USP49: variants seen among roughly 807,000 people sequenced by gnomAD.
USP49 encodes the protein ubiquitin specific peptidase 49.
Under a neutral mutation model 58.6 loss-of-function variants are expected in USP49, and 24 were observed. That is an observed-to-expected ratio of 0.41 (90% confidence interval 0.30 to 0.58). USP49 has a LOEUF of 0.58. Ranked by LOEUF, USP49 falls within the 20% of genes least tolerant of loss-of-function variation. The pLI is 0.30. For missense variants in USP49, 703 were observed against 866.1 expected (o/e 0.81, Z 2.36); for synonymous variants, 408 against 365.1 (o/e 1.12, Z -1.34).
chr6:41,815,740 G>C (rs1028753043), intron 3 of USP49, among the ~76,000 whole-genome samples: 5 of 152,174 alleles, frequency 3.3e-5, no homozygotes, highest in African/African-American at 1.2e-4. Context: ...TTATGCAGCA[G>C]CTCTTGGCCA....
chr6:41,813,116 G>A (rs942487433), intron 3 of USP49, among the ~76,000 whole-genome samples: 2 of 152,148 alleles, frequency 1.3e-5, no homozygotes, highest in Admixed American at 6.5e-5. Flanking sequence ...TAAGTCACAT[G>A]TGGCTAGTGG....
Position 41,790,653 on chromosome 6 carries a change from G to A in USP49, c.*5880C>T, listed in dbSNP as rs1236848682. ...GGATGACAGATGTCTCTAGCAGTTTGTTCACTACTAAAGTTAAACAGGACA... is the reference window on the plus strand; with the variant it reads ...GGATGACAGATGTCTCTAGCAGTTTATTCACTACTAAAGTTAAACAGGACA... On this transcript the variant is annotated 3_prime_UTR_variant, in exon 8 of 8. Coordinates refer to ENST00000682992, the MANE Select transcript of USP49 (RefSeq NM_001286554.2). 2.0e-5 allele frequency: 3 copies of A among 152,154 alleles called. No homozygotes were observed. The highest frequency in any genetic ancestry group is 7.2e-5 in the African/African-American group (3 of 41,428). The allele number at this position is 152,154 out of a possible 1,614,324, so 9.4% of individuals were successfully genotyped here. A position where few individuals can be genotyped will look rare whatever the true frequency, so the allele number is the denominator to read the frequency against.
intron 5 of USP49, among the ~76,000 whole-genome samples, chr6:41,802,230 C>G (rs1773011151): frequency 6.6e-6 from 1 of 151,456 alleles, no homozygotes; most frequent in Non-Finnish European, 1.5e-5. Context: ...GCTATGCCAC[C>G]AGGCTGGTCT....
In USP49 at chr6:41,806,306, G is replaced by A. The variant is rs758635838; in HGVS notation, c.678C>T (p.Pro226=). 8 of 1,581,146 alleles carry A rather than the reference G, an allele frequency of 5.1e-6. No individual in the cohort carries two copies. The highest frequency in any genetic ancestry group is 4.0e-5 in the African/African-American group (3 of 74,460). ...CTCTGCGTGAGGTAGGGAGGGCGGC[G>A]GGGCGCGAGGCAGCCGGGCCCGCGT... is the stretch of plus-strand genomic sequence containing the variant. ...PRDAGPAASR[P]AALPTSRRVP... The change falls in exon 4 of 8, where the codon CCC becomes CCT. Residue 226 remains proline (P), a synonymous_variant. Coordinates refer to ENST00000682992, the MANE Select transcript of USP49 (RefSeq NM_001286554.2). This position sits in a 1 kb window ranked among gnomAD's most constrained non-coding sequence, Gnocchi z 5.9.
At chr6:41,824,052 A>G (rs2127336542) in intron 3 of USP49, among the ~76,000 whole-genome samples, 1 of 152,280 alleles carries the variant, frequency 6.6e-6, no homozygotes, top group East Asian at 1.9e-4. Context: ...ATAGCCACGT[A>G]CTCTGAAAGT....
chr6:41,841,810 A>G (rs2246392), intron 3 of USP49, among the ~76,000 whole-genome samples: 37,863 of 152,020 alleles, frequency 0.25, 4,912 homozygotes, highest in Middle Eastern at 0.31. Flanking sequence ...TAATCCCAGC[A>G]CTTCAGGAGG....
intron 3 of USP49, among the ~76,000 whole-genome samples, chr6:41,811,887 G>A (rs1315677995): frequency 2.6e-5 from 4 of 152,104 alleles, no homozygotes; most frequent in Non-Finnish European, 4.4e-5. Context: ...AGGAATGAAG[G>A]GGAGGGAAAA....
chr6:41,888,275 G>A (rs534273737), intron 2 of USP49, among the ~76,000 whole-genome samples: 1 of 151,972 alleles, frequency 6.6e-6, no homozygotes, highest in South Asian at 2.1e-4. Context: ...GCCTGGTCTC[G>A]AACTCCTGGC....
At chr6:41,812,032 C>T (rs934551143) in intron 3 of USP49, among the ~76,000 whole-genome samples, 4 of 152,064 alleles carry the variant, frequency 2.6e-5, no homozygotes, top group African/African-American at 9.7e-5. Flanking sequence ...CTGGTTACTA[C>T]TCCAGTCCTG....
In USP49 at chr6:41,851,847, C is replaced by T. The variant is rs182971556; in HGVS notation, c.-29+19717G>A. On this transcript the variant is annotated intron_variant, in intron 3 of 7. Transcript: ENST00000682992. Reference sequence around the variant, plus strand: ...GCGGGCACCTGTAATCCCAGCCACTCGGGAGGCTGAGGCAGACAACTGCTT... The same window carrying T: ...GCGGGCACCTGTAATCCCAGCCACTTGGGAGGCTGAGGCAGACAACTGCTT... Among the ~76,000 whole-genome samples, 690 of 144,840 alleles carry T rather than the reference C, an allele frequency of 4.8e-3. 4 individuals are homozygous for T. Among genetic ancestry groups the T allele is most frequent in the Middle Eastern group, 0.038 (10 of 264 alleles).
chr6:41,855,653 C>T (rs1042342259), intron 3 of USP49, among the ~76,000 whole-genome samples: 2 of 152,296 alleles, frequency 1.3e-5, no homozygotes, highest in East Asian at 1.9e-4. Flanking sequence ...AATCTGATCC[C>T]GCCATTTTAA....
chr6:41,830,795 C>A (rs960219256), intron 3 of USP49, among the ~76,000 whole-genome samples: 10 of 151,918 alleles, frequency 6.6e-5, no homozygotes, highest in Admixed American at 3.9e-4. Flanking sequence ...TGCACTCCAG[C>A]CTGGGCAACA....
At position 41,863,442 on chromosome 6, in the gene USP49, G is replaced by A. The variant is rs960962721; in HGVS notation, c.-29+8122C>T. Reference sequence around the variant, plus strand: ...CATTATTACTGTTTTAATTGCTAGTGGATCTTGACGCCTCCGATCTTTCTG... The same window carrying A: ...CATTATTACTGTTTTAATTGCTAGTAGATCTTGACGCCTCCGATCTTTCTG... On this transcript the variant is annotated intron_variant, in intron 3 of 7. Coordinates refer to ENST00000682992, the MANE Select transcript of USP49 (RefSeq NM_001286554.2). Among the ~76,000 whole-genome samples the A allele has an allele frequency of 3.3e-5, 5 of 152,110 alleles. No homozygotes were observed. In the South Asian group the frequency reaches 6.2e-4, roughly 19 times the overall value.
intron 3 of USP49, among the ~76,000 whole-genome samples, chr6:41,807,467 G>T (rs980945955): frequency 2.0e-5 from 3 of 152,142 alleles, no homozygotes; most frequent in African/African-American, 7.2e-5. Flanking sequence ...TTTTGAGACG[G>T]GGTCACTCTG....
intron 3 of USP49, among the ~76,000 whole-genome samples, chr6:41,866,212 C>T (rs1774317036): frequency 6.6e-6 from 1 of 152,044 alleles, no homozygotes; most frequent in Admixed American, 6.6e-5. Flanking sequence ...AGCCACTGCA[C>T]CCGGCCCTGC....
At chr6:41,874,389 G>C (rs1774465663) in intron 2 of USP49, 1 of 152,090 alleles carries the variant, frequency 6.6e-6, no homozygotes, top group Non-Finnish European at 1.5e-5. Context: ...ATCCATTCTT[G>C]AAACCTTACC....
At chr6:41,840,750 C>T (rs1479304621) in intron 3 of USP49, among the ~76,000 whole-genome samples, 2 of 152,138 alleles carry the variant, frequency 1.3e-5, no homozygotes, top group East Asian at 3.8e-4. Context: ...AGCCCAACCT[C>T]CTATTTTTCT....
At chr6:41,851,848 G>A (rs909689629) in intron 3 of USP49, among the ~76,000 whole-genome samples, 7 of 151,038 alleles carry the variant, frequency 4.6e-5, no homozygotes, top group African/African-American at 1.2e-4. Flanking sequence ...CCAGCCACTC[G>A]GGAGGCTGAG....
At chr6:41,809,702 T>C (rs1773211720) in intron 3 of USP49, among the ~76,000 whole-genome samples, 2 of 150,348 alleles carry the variant, frequency 1.3e-5, no homozygotes, top group Non-Finnish European at 3.0e-5. Flanking sequence ...GGTGGGCGCC[T>C]GTGGTCCCAA....
Sources: gnomAD v4.1 joint callset for allele counts (sites outside exome capture counted in the v4.1 genomes callset) on GRCh38, gnomAD v4.1.1 for gene constraint, Gnocchi (gnomAD v3.1) non-coding constraint, MANE v1.5 for transcripts, NCBI Gene and HGNC (gene_info 2026-07-23, HGNC 2026-07-21) for gene names.